PLEKHG4B: variants seen among roughly 807,000 people sequenced by gnomAD.
PLEKHG4B encodes the protein pleckstrin homology and RhoGEF domain containing G4B.
PLEKHG4B carries 111 observed loss-of-function variants against 121.3 expected under a neutral mutation model. The observed-to-expected ratio is 0.92, with a 90% CI of 0.78 to 1.07. PLEKHG4B has a LOEUF of 1.07. PLEKHG4B is among the 50% of genes least tolerant of loss of function. The pLI, the probability that PLEKHG4B is intolerant of heterozygous loss-of-function variation, is 0.00. For missense variants in PLEKHG4B, 1,831 were observed against 1,757.8 expected, an observed-to-expected ratio of 1.04 and a Z score of -0.74; for synonymous variants, 738 against 725.0, an observed-to-expected ratio of 1.02 and a Z score of -0.29.
intron 1 of PLEKHG4B, among the ~76,000 whole-genome samples, chr5:95,413 C>T (rs1733602363): frequency 6.6e-6 from 1 of 152,130 alleles, no homozygotes; most frequent in Non-Finnish European, 1.5e-5. Flanking sequence ...TCATCATCAG[C>T]CCAAAGCCTC....
At position 163,115 on chromosome 5, in the gene PLEKHG4B, C is replaced by G. The variant is rs374657496; in HGVS notation, c.3043C>G (p.Arg1015Gly). 1.3e-6 allele frequency: 2 copies of G among 1,563,620 alleles called. No individual in the cohort carries two copies. Among genetic ancestry groups the G allele is most frequent in the Non-Finnish European group, 1.7e-6 (2 of 1,154,450 alleles). Residue 1015 changes from arginine (R) to glycine (G), a missense_variant, in exon 13 of 20, where the codon CGA becomes GGA. Arg to Gly is a moderately radical substitution (Grantham distance 125, BLOSUM62 -2). Coordinates refer to ENST00000637938, the MANE Select transcript of PLEKHG4B (RefSeq NM_052909.5). ...PAQPLSGLPG[R>G]ALLCGQDGET... Reference sequence around the variant, plus strand: ...GCAACCACTGTCCGGCCTCCCTGGACGAGCGCTTCTGTGTGGACAGGACGG... The same window carrying G: ...GCAACCACTGTCCGGCCTCCCTGGAGGAGCGCTTCTGTGTGGACAGGACGG...
chr5:93,010 C>G (rs1733518421), intron 1 of PLEKHG4B, among the ~76,000 whole-genome samples: 1 of 152,068 alleles, frequency 6.6e-6, no homozygotes, highest in Non-Finnish European at 1.5e-5. Flanking sequence ...GTTTGCCTTT[C>G]CCTGTTTCGT....
chr5:117,817 C>T (rs1004191597), intron 2 of PLEKHG4B, among the ~76,000 whole-genome samples: 3 of 152,186 alleles, frequency 2.0e-5, no homozygotes, highest in Non-Finnish European at 4.4e-5. Context: ...TGTGCCACTA[C>T]ACTCCATCCT....
chr5:128,436 C>T (rs1734684058), intron 2 of PLEKHG4B, among the ~76,000 whole-genome samples: 1 of 152,102 alleles, frequency 6.6e-6, no homozygotes, highest in African/African-American at 2.4e-5. Flanking sequence ...GGCATTTAGG[C>T]AAGATTAAAA....
intron 13 of PLEKHG4B, 88 bp downstream of exon 13, chr5:163,636 A>G: frequency 9.0e-7 from 1 of 1,116,256 alleles, no homozygotes; most frequent in Non-Finnish European, 1.2e-6. Context: ...TCTCTTCTGC[A>G]AAGTAGAAAG....
chr5:179,760 A>G (rs998605033), intron 18 of PLEKHG4B: 6 of 152,068 alleles, frequency 3.9e-5, no homozygotes, highest in African/African-American at 1.5e-4. Flanking sequence ...TACACGTATG[A>G]CCCTTTTACA....
In PLEKHG4B at chr5:171,436, G is replaced by A. The variant is rs766900538; in HGVS notation, c.4042G>A (p.Gly1348Ser). ...CCTGCTGGCCATGGACGCCATCCGC[G>A]GCTGTGACGTAAGTGCCTCAGACGC... ...NDLLAMDAIR[G>S]CDVNLKEQGQ... Residue 1348 changes from glycine (G) to serine (S), a missense_variant, in exon 16 of 20, where the codon GGC becomes AGC. Transcript: ENST00000637938. 6 of 1,593,376 alleles carry A rather than the reference G, an allele frequency of 3.8e-6. No individual in the cohort carries two copies. The highest frequency in any genetic ancestry group is 2.2e-5 in the East Asian group (1 of 44,520).
At chr5:149,617 A>G (rs1024217194) in intron 6 of PLEKHG4B, among the ~76,000 whole-genome samples, 24 of 152,192 alleles carry the variant, frequency 1.6e-4, no homozygotes, top group African/African-American at 5.8e-4. Context: ...TTGGCAAATT[A>G]TGTATCTGAT....
At chr5:130,238 C>A (rs1230590312) in intron 2 of PLEKHG4B, among the ~76,000 whole-genome samples, 1 of 152,170 alleles carries the variant, frequency 6.6e-6, no homozygotes, top group Non-Finnish European at 1.5e-5. Flanking sequence ...AAAAGCTATT[C>A]TTTACATTGT....
intron 17 of PLEKHG4B, 110 bp downstream of exon 17, chr5:173,177 G>A (rs1013136240): frequency 1.9e-6 from 2 of 1,073,832 alleles, no homozygotes; most frequent in Non-Finnish European, 2.7e-6. Context: ...GAGTGAAGCG[G>A]GGAGGAGCCG....
At chr5:144,981 G>A (rs1003974438) in intron 6 of PLEKHG4B, 61 bp downstream of exon 6, 105 of 1,482,846 alleles carry the variant, frequency 7.1e-5, no homozygotes, top group Non-Finnish European at 9.1e-5. Context: ...TGTGTTGCTG[G>A]GGCTGCCCAC....
intron 11 of PLEKHG4B, among the ~76,000 whole-genome samples, chr5:160,475 A>G (rs1211826292): frequency 6.6e-6 from 1 of 151,986 alleles, no homozygotes; most frequent in Non-Finnish European, 1.5e-5. Context: ...GCCCCTAAAC[A>G]GTGTGCCCTC....
At chr5:95,818 A>T (rs1579225985) in intron 1 of PLEKHG4B, among the ~76,000 whole-genome samples, 1 of 151,322 alleles carries the variant, frequency 6.6e-6, no homozygotes, top group Non-Finnish European at 1.5e-5. Context: ...GGGACCACCA[A>T]CCCCTCTGGT....
chr5:175,016 T>G (rs2126460943), intron 18 of PLEKHG4B, among the ~76,000 whole-genome samples: 1 of 152,162 alleles, frequency 6.6e-6, no homozygotes, highest in Admixed American at 6.5e-5. Context: ...GGTCAGCACT[T>G]GACAAGAAAG....
At chr5:167,354 C>T (rs1430146453) in intron 13 of PLEKHG4B, among the ~76,000 whole-genome samples, 1 of 152,160 alleles carries the variant, frequency 6.6e-6, no homozygotes, top group Non-Finnish European at 1.5e-5. Context: ...GTGCGTTCAG[C>T]AGCATTTCTG....
At chr5:141,737 A>G (rs566521711) in intron 3 of PLEKHG4B, among the ~76,000 whole-genome samples, 1 of 125,040 alleles carries the variant, frequency 8.0e-6, no homozygotes, top group South Asian at 2.2e-4. Flanking sequence ...TTTTTTGAGT[A>G]AAGAAATATC....
intron 13 of PLEKHG4B, among the ~76,000 whole-genome samples, chr5:164,323 A>G (rs952426409): frequency 6.6e-6 from 1 of 152,144 alleles, no homozygotes; most frequent in Admixed American, 6.5e-5. Flanking sequence ...TAGATCCCTC[A>G]CATGTGCAGT....
At chr5:174,153 GGGGTCGGGGCT>G in intron 18 of PLEKHG4B, 55 bp downstream of exon 18, 4 of 1,343,760 alleles carry the variant, frequency 3.0e-6, no homozygotes, top group Non-Finnish European at 3.0e-6. Context: ...GCTAGGGGCA[GGGGTCGGGGCT>G]GGGACTGGGG....
intron 11 of PLEKHG4B, among the ~76,000 whole-genome samples, chr5:160,660 G>A (rs769539831): frequency 9.9e-5 from 15 of 152,070 alleles, no homozygotes; most frequent in Non-Finnish European, 2.1e-4. Context: ...TTGCCCTCTA[G>A]CTTTGCTTAT....
Sources: gnomAD v4.1 joint callset for allele counts (sites outside exome capture counted in the v4.1 genomes callset) on GRCh38, gnomAD v4.1.1 for gene constraint, MANE v1.5 for transcripts, NCBI Gene and HGNC (gene_info 2026-07-23, HGNC 2026-07-21) for gene names.